Variants in CCNY observed in about 807,000 individuals in gnomAD.
The protein encoded by CCNY is cyclin Y, also known as cyclin-Y.
In CCNY, 19 loss-of-function variants were observed where a neutral mutation model predicts 42.8. That is an observed-to-expected ratio of 0.44 (90% CI 0.31 to 0.65). CCNY has a LOEUF of 0.65. Among genes scored for constraint, CCNY ranks in the 30% least tolerant of loss-of-function variants. CCNY has a pLI of 0.07. For missense variants in CCNY, 370 were observed against 437.3 expected (o/e 0.85, Z 1.37); for synonymous variants, 165 against 162.7 (o/e 1.01, Z -0.11).
chr10:35,446,971 T>A (rs1312008038), intron 1 of CCNY, among the ~76,000 whole-genome samples: 3 of 152,210 alleles, frequency 2.0e-5, no homozygotes, highest in African/African-American at 7.2e-5. Flanking sequence ...ATAGTTACCA[T>A]GTAGGTTAAA....
chr10:35,406,806 C>T (rs1837785120), intron 1 of CCNY, among the ~76,000 whole-genome samples: 1 of 152,124 alleles, frequency 6.6e-6, no homozygotes, highest in African/African-American at 2.4e-5. Flanking sequence ...GTAGGGGCGG[C>T]CAGGCAGAGG....
At chr10:35,283,393 T>C (rs2135055849) in intron 3 of CCNY, among the ~76,000 whole-genome samples, 1 of 151,884 alleles carries the variant, frequency 6.6e-6, no homozygotes, top group South Asian at 2.1e-4. Context: ...ATTGTACAAG[T>C]GTAAGGACAG....
Position 35,249,009 on chromosome 10 carries a change from A to G in CCNY, c.-114+798A>G, listed in dbSNP as rs139506320. ...GTTGCCCAGGCTAGAGTGCAGTGGCATGATCTAGGCTCACTGCAACCTCCG... is the reference window on the plus strand; with the variant it reads ...GTTGCCCAGGCTAGAGTGCAGTGGCGTGATCTAGGCTCACTGCAACCTCCG... On this transcript the variant is annotated intron_variant, in intron 2 of 11. Coordinates refer to the CCNY transcript ENST00000374706. Among the ~76,000 whole-genome samples, 851 of 152,208 alleles carry G rather than the reference A, an allele frequency of 5.6e-3. 9 individuals are homozygous for G. The highest frequency in any genetic ancestry group is 6.8e-3 in the Non-Finnish European group (465 of 68,004).
intron 1 of CCNY, among the ~76,000 whole-genome samples, chr10:35,455,804 CT>C (rs67784224): frequency 1.2e-4 from 9 of 76,010 alleles, no homozygotes; most frequent in Non-Finnish European, 1.7e-4. Flanking sequence ...GGGATGCTTC[CT>C]TTTTTTTTTT....
At chr10:35,459,325 G>A (rs1271047598) in intron 1 of CCNY, among the ~76,000 whole-genome samples, 10 of 152,180 alleles carry the variant, frequency 6.6e-5, no homozygotes, top group African/African-American at 1.9e-4. Context: ...CCTGCAGGCC[G>A]CATGTGGCCC....
chr10:35,553,875 G>T (rs1420079284), intron 8 of CCNY, among the ~76,000 whole-genome samples: 1 of 152,134 alleles, frequency 6.6e-6, no homozygotes, highest in African/African-American at 2.4e-5. Flanking sequence ...CTGTTGTCTG[G>T]GGGGTCTCTA....
chr10:35,516,439 T>C (rs1326460358), intron 3 of CCNY, 84 bp from the exon 4 acceptor site: 9 of 886,188 alleles, frequency 1.0e-5, no homozygotes, highest in East Asian at 7.4e-5. Context: ...TGTGGTCTTA[T>C]CTCAAGTTAA....
chr10:35,380,108 G>T (rs566537563), intron 1 of CCNY, among the ~76,000 whole-genome samples: 3 of 152,292 alleles, frequency 2.0e-5, no homozygotes, highest in Non-Finnish European at 4.4e-5. Context: ...TTTTGGAAGC[G>T]AGTAGGACTT....
In CCNY at chr10:35,529,267, C is replaced by T. The variant is rs73266797; in HGVS notation, c.402-706C>T. On this transcript the variant is annotated intron_variant, in intron 5 of 9. Transcript: ENST00000374704. ...GTGTTGTGAATAATCAGACTGATCT[C>T]TAGGATACATTGATATTCATTCTTA... is the stretch of plus-strand genomic sequence containing the variant. Among the ~76,000 whole-genome samples the T allele has an allele frequency of 6.7e-3, 1,024 of 152,276 alleles. 16 individuals are homozygous for T. The highest frequency in any genetic ancestry group is 0.023 in the African/African-American group (964 of 41,550).
At chr10:35,419,503 A>G (rs1428181794) in intron 1 of CCNY, among the ~76,000 whole-genome samples, 1 of 142,754 alleles carries the variant, frequency 7.0e-6, no homozygotes, top group Non-Finnish European at 1.5e-5. Context: ...ATGGACCATG[A>G]GGGAAGGACT....
At chr10:35,287,280 T>C (rs1171138113) in intron 3 of CCNY, among the ~76,000 whole-genome samples, 1 of 152,218 alleles carries the variant, frequency 6.6e-6, no homozygotes, top group Non-Finnish European at 1.5e-5. Context: ...TTTAAATAAT[T>C]AAAATTATTT....
At chr10:35,344,901 G>GAACTCATCATTTTT (rs1405949646) in intron 1 of CCNY, among the ~76,000 whole-genome samples, 3 of 152,174 alleles carry the variant, frequency 2.0e-5, no homozygotes, top group African/African-American at 7.2e-5. Context: ...CAAAGGACAT[G>GAACTCATCATTTTT]AACTCATCAT....
rs1177122335 is a variant in CCNY, at chr10:35,519,776, C to CTTTTTTTTTTTTTT, written c.365+3165_365+3178dup. Reference sequence around the variant, plus strand: ...AAGTATCTTCTTTTTCTTTTCTTTTCTTTTTTTTTTTTTTTTTTTTTTTTT... The same window carrying CTTTTTTTTTTTTTT: ...AAGTATCTTCTTTTTCTTTTCTTTTCTTTTTTTTTTTTTTTTTTTTTTTTTTTTTTTTTTTTTTT... On this transcript the variant is annotated intron_variant, in intron 4 of 9. Coordinates refer to ENST00000374704, the MANE Select transcript of CCNY (RefSeq NM_145012.6). 1.3e-3 allele frequency among the ~76,000 whole-genome samples: 95 copies of CTTTTTTTTTTTTTT among 74,660 alleles called. 4 individuals are homozygous for CTTTTTTTTTTTTTT. The highest frequency in any genetic ancestry group is 2.1e-3 in the African/African-American group (37 of 17,384). The allele number at this position is 74,660 out of a possible 152,430, so 49.0% of individuals were successfully genotyped here. A position where few individuals can be genotyped will look rare whatever the true frequency, so the allele number is the denominator to read the frequency against.
intron 8 of CCNY, among the ~76,000 whole-genome samples, chr10:35,559,520 A>G (rs1589210076): frequency 6.6e-6 from 1 of 152,232 alleles, no homozygotes; most frequent in African/African-American, 2.4e-5. Flanking sequence ...TGGCAAAAAA[A>G]TGGGAAAGTG....
At chr10:35,395,654 A>T (rs976548302) in intron 1 of CCNY, among the ~76,000 whole-genome samples, 6 of 152,196 alleles carry the variant, frequency 3.9e-5, no homozygotes, top group Non-Finnish European at 2.9e-5. Context: ...AGGAGACGCA[A>T]AGAAAGATAT....
chr10:35,288,561 A>G (rs1004441911), intron 3 of CCNY, among the ~76,000 whole-genome samples: 1 of 152,138 alleles, frequency 6.6e-6, no homozygotes, highest in African/African-American at 2.4e-5. Context: ...ATGTTTGCCT[A>G]TCCCAAGGTT....
At chr10:35,441,754 A>G (rs1838674561) in intron 1 of CCNY, among the ~76,000 whole-genome samples, 1 of 152,196 alleles carries the variant, frequency 6.6e-6, no homozygotes, top group Admixed American at 6.5e-5. Context: ...ATGAAAATAG[A>G]AAAGAAAAAG....
intron 3 of CCNY, among the ~76,000 whole-genome samples, chr10:35,295,592 C>G (rs533654032): frequency 6.6e-6 from 1 of 152,090 alleles, no homozygotes; most frequent in African/African-American, 2.4e-5. Context: ...TTACCCTACC[C>G]CAGCCCCTGA....
At chr10:35,359,504 TTA>T (rs1836634616) in intron 1 of CCNY, among the ~76,000 whole-genome samples, 1 of 151,858 alleles carries the variant, frequency 6.6e-6, no homozygotes, top group East Asian at 1.9e-4. Flanking sequence ...ATTATTATTA[TTA>T]TTATTATTTT....
Sources: allele counts gnomAD v4.1 joint callset (sites outside exome capture counted in the v4.1 genomes callset), GRCh38; gene constraint gnomAD v4.1.1; transcripts MANE v1.5; gene names NCBI Gene and HGNC (gene_info 2026-07-23, HGNC 2026-07-21).